The following TRIO variants were observed in gnomAD, a reference collection of about 807,000 sequenced individuals.
The protein encoded by TRIO is triple functional domain protein.
A neutral mutation model predicts 351.9 loss-of-function variants in TRIO; 58 were observed. The observed-to-expected ratio is 0.16, with a 90% CI of 0.13 to 0.21. The LOEUF (loss-of-function observed/expected upper bound fraction) is 0.21. Ranked by LOEUF, TRIO falls within the 10% of genes least tolerant of loss-of-function variation. The probability of loss-of-function intolerance (pLI) is 1.00; values close to 1 mark genes in which losing one functional copy is unlikely to be tolerated. For missense variants in TRIO, 3,201 were observed against 4,027.8 expected (o/e 0.79, Z 5.56); for synonymous variants, 1,758 against 1,595.7 (o/e 1.10, Z -2.42).
chr5:14,397,272 A>G (rs1418893990), intron 29 of TRIO, 118 bp downstream of exon 29: 4 of 751,178 alleles, frequency 5.3e-6, no homozygotes, highest in African/African-American at 3.6e-5. Flanking sequence ...GTGGTTAAGA[A>G]CATTTCTTAA....
intron 41 of TRIO, among the ~76,000 whole-genome samples, chr5:14,477,964 C>T (rs2126586434): frequency 6.6e-6 from 1 of 152,294 alleles, no homozygotes; most frequent in African/African-American, 2.4e-5. Context: ...CACTAACAAA[C>T]ACTGCCAGTT....
At chr5:14,248,118 G>A (rs1011746197) in intron 1 of TRIO, among the ~76,000 whole-genome samples, 2 of 151,986 alleles carry the variant, frequency 1.3e-5, no homozygotes, top group African/African-American at 2.4e-5. Flanking sequence ...TGCAGCTGGG[G>A]TTATTAGCTT....
intron 11 of TRIO, among the ~76,000 whole-genome samples, 168 bp from the exon 12 acceptor site, chr5:14,358,010 A>C (rs1464183099): frequency 1.3e-5 from 2 of 151,992 alleles, no homozygotes; most frequent in Non-Finnish European, 2.9e-5. Flanking sequence ...GTGGGACTGG[A>C]TGCCCCTCCC....
chr5:14,328,060 A>G (rs1029248348), intron 9 of TRIO, among the ~76,000 whole-genome samples: 2 of 152,280 alleles, frequency 1.3e-5, no homozygotes, highest in African/African-American at 4.8e-5. Flanking sequence ...AATATACTCA[A>G]TGCATGAGTT....
intron 1 of TRIO, among the ~76,000 whole-genome samples, chr5:14,246,188 G>T (rs1346498214): frequency 6.6e-6 from 1 of 152,140 alleles, no homozygotes; most frequent in African/African-American, 2.4e-5. Context: ...TCAAAATAAT[G>T]CCTTTTAAAG....
chr5:14,369,486 T>G lies in TRIO; in HGVS notation c.3179T>G (p.Ile1060Ser), dbSNP rs1336709209. The G allele has an allele frequency of 6.2e-7, 1 of 1,614,016 alleles. No individual in the cohort carries two copies. Residue 1060 changes from isoleucine (I) to serine (S), a missense_variant, in exon 18 of 57, where the codon ATC becomes AGC. Ile to Ser is a moderately radical substitution (Grantham distance 142, BLOSUM62 -2). Coordinates refer to ENST00000344204, the MANE Select transcript of TRIO (RefSeq NM_007118.4). ...GAGACGGACCACGTGACGCCCATGA[T>G]CAGCAAGCACCTGGAGCAGAAGGAG... ...NSETDHVTPM[I>S]SKHLEQKEAF...
chr5:14,349,200 G>GCA (rs1387202306), intron 11 of TRIO, among the ~76,000 whole-genome samples: 1 of 147,804 alleles, frequency 6.8e-6, no homozygotes, highest in Non-Finnish European at 1.5e-5. Context: ...GTATATGTGT[G>GCA]CACACACATG....
Position 14,491,244 on chromosome 5 carries a change from G to A in TRIO, c.7633-1323G>A, listed in dbSNP as rs76644242. 5.6e-3 allele frequency among the ~76,000 whole-genome samples: 848 copies of A among 152,312 alleles called. 50 individuals carry two copies. The East Asian group carries it at 0.12, about 22-fold the overall frequency. ...ACAGCAGTCCGCCACCTGCTCCAGCGTGTACTGATACTGGCTCAGTAGACC... is the reference window on the plus strand; with the variant it reads ...ACAGCAGTCCGCCACCTGCTCCAGCATGTACTGATACTGGCTCAGTAGACC... On this transcript the variant is annotated intron_variant, in intron 48 of 56. Coordinates refer to ENST00000344204, the MANE Select transcript of TRIO (RefSeq NM_007118.4).
intron 1 of TRIO, among the ~76,000 whole-genome samples, chr5:14,207,718 A>ACTCT (rs1791633908): frequency 6.6e-6 from 1 of 152,140 alleles, no homozygotes; most frequent in Admixed American, 6.5e-5. Context: ...TCTCAGAGAG[A>ACTCT]GAGAGAGAGA....
intron 54 of TRIO, 132 bp downstream of exon 54, chr5:14,502,789 T>A: frequency 2.3e-6 from 2 of 862,030 alleles, no homozygotes; most frequent in Non-Finnish European, 3.7e-6. Flanking sequence ...ATTTGAATCG[T>A]AACTCTCATT....
At chr5:14,257,412 G>C (rs900762302) in intron 1 of TRIO, among the ~76,000 whole-genome samples, 4 of 152,200 alleles carry the variant, frequency 2.6e-5, no homozygotes, top group African/African-American at 9.7e-5. Context: ...TTGGGAGAGA[G>C]GTAGTTAGTA....
chr5:14,361,339 A>T (rs140444417), intron 13 of TRIO, among the ~76,000 whole-genome samples: 1 of 152,342 alleles, frequency 6.6e-6, no homozygotes, highest in African/African-American at 2.4e-5. Context: ...CCACGAAATT[A>T]CAAGTGCCCT....
At chr5:14,387,279 G>A in intron 21 of TRIO, 159 bp from the exon 22 acceptor site, 1 of 608,836 alleles carries the variant, frequency 1.6e-6, no homozygotes, top group South Asian at 2.6e-5. Context: ...CAGGAATCCG[G>A]GAGATGGAGT....
chr5:14,348,232 G>A (rs183736487), intron 11 of TRIO, among the ~76,000 whole-genome samples: 43 of 152,316 alleles, frequency 2.8e-4, no homozygotes, highest in Admixed American at 1.1e-3. Flanking sequence ...ATAAAAACAG[G>A]ATATATTCCA....
chr5:14,373,717 A>G (rs1745318332), intron 18 of TRIO, among the ~76,000 whole-genome samples: 1 of 152,214 alleles, frequency 6.6e-6, no homozygotes, highest in Admixed American at 6.5e-5. Flanking sequence ...GGCCACATTG[A>G]TACAGTTTAC....
intron 3 of TRIO, 151 bp downstream of exon 3, chr5:14,280,587 G>A (rs1431167070): frequency 2.8e-6 from 2 of 710,382 alleles, no homozygotes; most frequent in South Asian, 3.7e-5. Flanking sequence ...TTACCATTTT[G>A]TGACCATTAT....
rs774297322 is a variant in TRIO at position 14,498,199 on chromosome 5, G to C, written c.8158G>C (p.Gly2720Arg). 1.1e-5 allele frequency: 17 copies of C among 1,614,084 alleles called. No homozygotes were observed. In the South Asian group the frequency reaches 1.4e-4, roughly 14 times the overall value. The change falls in exon 52 of 57, where the codon GGC becomes CGC. Residue 2720 changes from glycine to arginine, a missense_variant. By Grantham distance (125) the Gly-to-Arg change is moderately radical. Transcript: ENST00000344204. Reference sequence around the variant, plus strand: ...CCCCAAAGCCTCAATTACCTGGAAGGGCCCTGAACACAACACCTTGAACAA... The same window carrying C: ...CCCCAAAGCCTCAATTACCTGGAAGCGCCCTGAACACAACACCTTGAACAA... ...GRPKASITWK[G>R]PEHNTLNNDG... is the part of the protein sequence containing the mutation.
chr5:14,405,953 C>A lies in TRIO; in HGVS notation c.4822C>A (p.Pro1608Thr). Residue 1608 changes from proline (P) to threonine (T), a missense_variant, in exon 32 of 57, where the codon CCT becomes ACT. Pro to Thr is a conservative substitution (Grantham distance 38, BLOSUM62 -1). Coordinates refer to ENST00000344204, the MANE Select transcript of TRIO (RefSeq NM_007118.4). ...KGALKEPIHI[P>T]KTAPATRQKG... ...AGCCCTGAAGGAGCCCATTCACATC[C>A]CTAAGACCGCTCCCGCCACAAGACA... 6.2e-7 allele frequency: 1 copy of A among 1,611,918 alleles called. No individual in the cohort carries two copies. Among genetic ancestry groups the A allele is most frequent in the Non-Finnish European group, 8.5e-7 (1 of 1,179,354 alleles).
At chr5:14,359,298 G>A (rs1561388187) in intron 12 of TRIO, 59 bp from the exon 13 acceptor site, 1 of 1,569,966 alleles carries the variant, frequency 6.4e-7, no homozygotes, top group South Asian at 1.2e-5. Context: ...GGCCGGATCT[G>A]GTATCTAACA....
Sources: gnomAD v4.1 joint callset for allele counts (sites outside exome capture counted in the v4.1 genomes callset) on GRCh38, gnomAD v4.1.1 for gene constraint, MANE v1.5 for transcripts, NCBI Gene and HGNC (gene_info 2026-07-23, HGNC 2026-07-21) for gene names.